Variants in CTDSPL2 observed in about 807,000 individuals in gnomAD.
CTDSPL2 encodes CTD small phosphatase-like protein 2.
CTDSPL2 carries 5 observed loss-of-function variants against 60.0 expected under a neutral mutation model. The observed-to-expected ratio is 0.08, with a 90% CI of 0.04 to 0.18. CTDSPL2 has a LOEUF of 0.18. Among genes scored for constraint, CTDSPL2 ranks in the 10% least tolerant of loss-of-function variants. The pLI is 1.00. For synonymous variants in CTDSPL2, 186 were observed against 189.3 expected, an observed-to-expected ratio of 0.98 and a Z score of 0.14; for missense variants, 370 against 548.8, an observed-to-expected ratio of 0.67 and a Z score of 3.26.
chr15:44,461,571 C>A (rs74917482), intron 2 of CTDSPL2, among the ~76,000 whole-genome samples: 1 of 147,988 alleles, frequency 6.8e-6, no homozygotes. Flanking sequence ...AAGTTTCTCT[C>A]CCTTTTTTTT....
chr15:44,481,383 TAGC>T (rs1197264676), intron 2 of CTDSPL2, among the ~76,000 whole-genome samples: 1 of 152,164 alleles, frequency 6.6e-6, no homozygotes, highest in Non-Finnish European at 1.5e-5. Flanking sequence ...TAATATTATT[TAGC>T]TTACTCACTA....
At chr15:44,428,060 C>G (rs539341080) in intron 1 of CTDSPL2, 5 of 186,458 alleles carry the variant, frequency 2.7e-5, no homozygotes, top group Non-Finnish European at 4.4e-5. Flanking sequence ...TACCCACCCC[C>G]ACTCCGATCT....
Position 44,486,633 on chromosome 15 carries a change from A to C in CTDSPL2, c.408A>C (p.Pro136=), listed in dbSNP as rs758511013. ...LEDNPSSGSP[P]RTTLLGTIFS... is the part of the protein sequence containing the mutation. ...ATAATCCTTCCTCTGGCAGTCCTCC[A>C]AGGACTACTTTGTTGGGGACCATAT... Residue 136 remains proline, a synonymous_variant, in exon 4 of 13, where the codon CCA becomes CCC. Transcript: ENST00000260327. The C allele has an allele frequency of 1.0e-5, 16 of 1,593,418 alleles. No individual in the cohort carries two copies. Among genetic ancestry groups the C allele is most frequent in the Admixed American group, 1.8e-5 (1 of 56,536 alleles).
chr15:44,443,579 TA>T (rs1465078945), intron 1 of CTDSPL2, among the ~76,000 whole-genome samples: 2 of 152,236 alleles, frequency 1.3e-5, no homozygotes, highest in East Asian at 1.9e-4. Flanking sequence ...TTTTTATTTT[TA>T]TTTTTTTGAT....
At chr15:44,510,039 T>A (rs1229282360) in intron 8 of CTDSPL2, among the ~76,000 whole-genome samples, 1 of 151,604 alleles carries the variant, frequency 6.6e-6, no homozygotes, top group Non-Finnish European at 1.5e-5. Context: ...CAGACTGGAG[T>A]GCAGTAGCGC....
chr15:44,504,988 T>C (rs1595767236), intron 8 of CTDSPL2, among the ~76,000 whole-genome samples: 2 of 152,318 alleles, frequency 1.3e-5, no homozygotes, highest in East Asian at 3.9e-4. Flanking sequence ...ACTAATTTTT[T>C]CATCATAATT....
In CTDSPL2 at chr15:44,521,297, A is replaced by AAT; in HGVS notation, c.1240-14_1240-13insAT. ...TAAGTAAAAGAGGATTTAATTACTT[A>AAT]TTTATTGTTTTAGCTTTCTAATGGA... On this transcript the variant is annotated splice_polypyrimidine_tract_variant and intron_variant, in intron 11 of 12. Coordinates refer to ENST00000260327, the MANE Select transcript of CTDSPL2 (RefSeq NM_016396.3). The AAT allele has an allele frequency of 8.1e-7, 1 of 1,236,280 alleles. No individual in the cohort carries two copies. The highest frequency in any genetic ancestry group is 1.2e-6 in the Non-Finnish European group (1 of 862,582). 76.6% of individuals were successfully genotyped at this position (1,236,280 alleles called of 1,614,324 possible). A position where few individuals can be genotyped will look rare whatever the true frequency, so the allele number is the denominator to read the frequency against.
intron 3 of CTDSPL2, among the ~76,000 whole-genome samples, chr15:44,484,762 G>A (rs769566041): frequency 3.3e-5 from 5 of 152,086 alleles, no homozygotes; most frequent in Admixed American, 1.3e-4. Context: ...AAACTACTTT[G>A]AGTAATTTTT....
intron 8 of CTDSPL2, chr15:44,503,281 C>G (rs1040031748): frequency 1.3e-5 from 2 of 151,972 alleles, no homozygotes; most frequent in Non-Finnish European, 2.9e-5. Context: ...TAAAATGGTA[C>G]AAATGCATTT....
chr15:44,474,089 A>G (rs946943705), intron 2 of CTDSPL2, among the ~76,000 whole-genome samples: 2 of 152,196 alleles, frequency 1.3e-5, no homozygotes, highest in African/African-American at 4.8e-5. Flanking sequence ...CGCCTTCCCA[A>G]AGTGCAAGGA....
intron 2 of CTDSPL2, among the ~76,000 whole-genome samples, chr15:44,481,121 G>A (rs1464807509): frequency 6.6e-6 from 1 of 151,922 alleles, no homozygotes. Flanking sequence ...GGATTGCTTG[G>A]GGCTGGGAGT....
rs532046194 is a variant in CTDSPL2, at chr15:44,524,444, A to G, written c.*270A>G. 1.7e-5 allele frequency: 6 copies of G among 344,764 alleles called. No individual in the cohort carries two copies. The highest frequency in any genetic ancestry group is 4.5e-5 in the Admixed American group (1 of 22,280). 21.4% of individuals were successfully genotyped at this position (344,764 alleles called of 1,614,324 possible). A position where few individuals can be genotyped will look rare whatever the true frequency, so the allele number is the denominator to read the frequency against. ...TTTATGTACAGGACATCTGCAGTTT[A>G]TAAAGAATTCTGTTTCTGCCACCAG... On this transcript the variant is annotated 3_prime_UTR_variant, in exon 13 of 13. Transcript: ENST00000260327.
In CTDSPL2 at chr15:44,525,248, A is replaced by T; in HGVS notation, c.*1074A>T. On this transcript the variant is annotated 3_prime_UTR_variant, in exon 13 of 13. Transcript: ENST00000260327. The stretch of plus-strand genomic sequence containing the variant: ...TTTAAAACTGTATAACAGTCTTGGT[A>T]CCTAACAGTAGCTATGCATAATCCT... The T allele has an allele frequency of 5.0e-6, 2 of 396,180 alleles. No individual in the cohort carries two copies. The highest frequency in any genetic ancestry group is 8.9e-6 in the Non-Finnish European group (2 of 224,568). The allele number at this position is 396,180 out of a possible 1,614,324, so 24.5% of individuals were successfully genotyped here. A position where few individuals can be genotyped will look rare whatever the true frequency, so the allele number is the denominator to read the frequency against.
At chr15:44,492,540 G>A (rs2081234440) in intron 5 of CTDSPL2, among the ~76,000 whole-genome samples, 1 of 152,062 alleles carries the variant, frequency 6.6e-6, no homozygotes, top group African/African-American at 2.4e-5. Context: ...AGGAGCATCT[G>A]TACTTCTCTC....
intron 2 of CTDSPL2, among the ~76,000 whole-genome samples, chr15:44,469,780 A>G (rs531348089): frequency 1.3e-5 from 2 of 152,272 alleles, no homozygotes; most frequent in South Asian, 4.1e-4. Context: ...AAGTGAAAGC[A>G]AGTTTATTAA....
intron 1 of CTDSPL2, among the ~76,000 whole-genome samples, chr15:44,433,888 G>A (rs1006191655): frequency 2.0e-5 from 3 of 150,816 alleles, no homozygotes; most frequent in Non-Finnish European, 4.4e-5. Flanking sequence ...AGGAGATGGA[G>A]GTTGCAGTGA....
At position 44,490,808 on chromosome 15, in the gene CTDSPL2, G is replaced by A. The variant is rs1335371501; in HGVS notation, c.500G>A (p.Gly167Glu). 6.2e-7 allele frequency: 1 copy of A among 1,612,940 alleles called. No individual in the cohort carries two copies. Among genetic ancestry groups the A allele is most frequent in the Non-Finnish European group, 8.5e-7 (1 of 1,179,900 alleles). ...KNGTSGSDSP[G>E]QAVEAEEIVK... ...GGAACGTCAGGATCAGATTCTCCAG[G>A]ACAGGCTGTGGAAGCTGAAGAAATA... The change falls in exon 5 of 13, where the codon GGA becomes GAA. Residue 167 changes from glycine (G) to glutamate (E), a missense_variant. Physicochemically the swap from Gly to Glu is moderately conservative, Grantham distance 98 (BLOSUM62 -2). This residue lies in a region of CTDSPL2 where 287 missense variants were observed against 296.1 expected (regional missense o/e 0.97). Coordinates refer to ENST00000260327, the MANE Select transcript of CTDSPL2 (RefSeq NM_016396.3).
intron 5 of CTDSPL2, 80 bp from the exon 6 acceptor site, chr15:44,496,300 C>A: frequency 1.0e-6 from 1 of 975,904 alleles, no homozygotes; most frequent in Non-Finnish European, 1.6e-6. Context: ...TTAGGAAGAT[C>A]TTAGATAGAA....
chr15:44,438,858 G>C (rs1241663075), intron 1 of CTDSPL2, among the ~76,000 whole-genome samples: 2 of 152,182 alleles, frequency 1.3e-5, no homozygotes, highest in East Asian at 3.8e-4. Context: ...CTGCAGGCAA[G>C]TAGAAAGGAA....
Sources: allele counts gnomAD v4.1 joint callset (sites outside exome capture counted in the v4.1 genomes callset), GRCh38; gene constraint gnomAD v4.1.1; regional missense constraint gnomAD v4.1.1; transcripts MANE v1.5; gene names NCBI Gene and HGNC (gene_info 2026-07-23, HGNC 2026-07-21).